Variants in MYO16 observed in about 807,000 individuals in gnomAD.
MYO16 encodes unconventional myosin-XVI.
In MYO16, 94 loss-of-function variants were observed where a neutral mutation model predicts 205.3. The observed-to-expected ratio is 0.46, with a 90% CI of 0.39 to 0.54. The LOEUF (loss-of-function observed/expected upper bound fraction) is 0.54. Among genes scored for constraint, MYO16 ranks in the 20% least tolerant of loss-of-function variants. MYO16 has a pLI of 0.00. For missense variants in MYO16, 2,315 were observed against 2,387.5 expected, an observed-to-expected ratio of 0.97 and a Z score of 0.63; for synonymous variants, 988 against 954.0, an observed-to-expected ratio of 1.04 and a Z score of -0.66.
intron 16 of MYO16, among the ~76,000 whole-genome samples, chr13:108,927,116 AAGAGAGAGAGAG>A (rs141822029): frequency 6.7e-6 from 1 of 149,456 alleles, no homozygotes; most frequent in African/African-American, 2.5e-5. Flanking sequence ...TCAACAACTG[AAGAGAGAGAGAG>A]AGAGAGAGAG....
At chr13:108,616,411 A>G (rs1879351164) in intron 1 of MYO16, among the ~76,000 whole-genome samples, 3 of 152,122 alleles carry the variant, frequency 2.0e-5, no homozygotes, top group African/African-American at 7.2e-5. Context: ...ATCGTAGTCT[A>G]TGCTTGAAAT....
intron 1 of MYO16, among the ~76,000 whole-genome samples, chr13:108,602,949 C>A (rs1301509100): frequency 6.6e-6 from 1 of 152,074 alleles, no homozygotes; most frequent in Non-Finnish European, 1.5e-5. Context: ...GAGAAAGAAC[C>A]TGGAAAAATG....
chr13:109,007,342 G>A (rs914280661), intron 21 of MYO16, among the ~76,000 whole-genome samples: 2 of 151,632 alleles, frequency 1.3e-5, no homozygotes, highest in Non-Finnish European at 2.9e-5. Flanking sequence ...GAGCCGAGAT[G>A]GCGCCACTGC....
chr13:108,972,351 C>CATATATATATAT (rs869041443), intron 20 of MYO16, among the ~76,000 whole-genome samples: 3 of 17,456 alleles, frequency 1.7e-4, no homozygotes, highest in Non-Finnish European at 3.3e-4. Context: ...TATATATAGC[C>CATATATATATAT]ATATATATAT....
intron 1 of MYO16, among the ~76,000 whole-genome samples, chr13:108,632,033 G>A (rs1177270264): frequency 3.5e-5 from 5 of 144,516 alleles, no homozygotes; most frequent in South Asian, 2.2e-4. Context: ...AGCTGAGATC[G>A]CGCCATTGCA....
intron 6 of MYO16, among the ~76,000 whole-genome samples, chr13:108,798,698 T>A (rs900330316): frequency 2.7e-4 from 32 of 118,006 alleles, no homozygotes; most frequent in East Asian, 4.6e-4. Context: ...ATTTTTTTTT[T>A]TTTTTTTTTT....
intron 33 of MYO16, among the ~76,000 whole-genome samples, chr13:109,177,005 A>G (rs2139908690): frequency 6.6e-6 from 1 of 152,310 alleles, no homozygotes; most frequent in East Asian, 1.9e-4. Flanking sequence ...CTGCAGTGCT[A>G]CCTATCGTCT....
chr13:108,715,724 AT>A (rs1255408409), intron 3 of MYO16, among the ~76,000 whole-genome samples: 8 of 152,222 alleles, frequency 5.3e-5, no homozygotes, highest in Non-Finnish European at 7.4e-5. Flanking sequence ...GGATAAGCAG[AT>A]GATAGCGAAG....
chr13:108,664,302 A>G (rs1022487960), intron 1 of MYO16, among the ~76,000 whole-genome samples: 1 of 152,168 alleles, frequency 6.6e-6, no homozygotes, highest in Non-Finnish European at 1.5e-5. Context: ...TATATTCAAT[A>G]CCTGGCATTA....
the MYO16 span, among the ~76,000 whole-genome samples, chr13:108,580,873 A>G: frequency 6.6e-6 from 1 of 152,264 alleles, no homozygotes; most frequent in African/African-American, 2.4e-5. Flanking sequence ...TTAGCAATTC[A>G]GAAAATAACA....
At chr13:109,158,087 C>T (rs986874707) in intron 32 of MYO16, among the ~76,000 whole-genome samples, 3 of 152,116 alleles carry the variant, frequency 2.0e-5, no homozygotes, top group Non-Finnish European at 2.9e-5. Flanking sequence ...TCATGGTCCA[C>T]CCCTCTTCCT....
intron 2 of MYO16, among the ~76,000 whole-genome samples, chr13:108,701,323 A>G (rs974227631): frequency 3.9e-5 from 6 of 152,124 alleles, no homozygotes; most frequent in African/African-American, 1.4e-4. Flanking sequence ...TGCCATTGTA[A>G]TAGTAATAAG....
chr13:108,683,316 A>G (rs1198771501), intron 2 of MYO16, among the ~76,000 whole-genome samples: 3 of 149,472 alleles, frequency 2.0e-5, no homozygotes, highest in Non-Finnish European at 4.4e-5. Context: ...GGCTTGTGAC[A>G]GGCTCACAGG....
chr13:108,508,051 T>G, the MYO16 span, among the ~76,000 whole-genome samples: 13 of 152,036 alleles, frequency 8.6e-5, no homozygotes, highest in Admixed American at 2.6e-4. Context: ...GTTTCTGGAT[T>G]TTTTTCTTAT....
At position 108,998,125 on chromosome 13, in the gene MYO16, G is replaced by A. The variant is rs277810; in HGVS notation, c.2442+5677G>A. 5.5e-3 allele frequency among the ~76,000 whole-genome samples: 843 copies of A among 152,292 alleles called. 8 individuals are homozygous for A. Among genetic ancestry groups the A allele is most frequent in the African/African-American group, 0.02 (817 of 41,560 alleles). The stretch of plus-strand genomic sequence containing the variant: ...TTAATGCCCTTCATTGTGAAATCAT[G>A]ATGCTAGAGATGATAGAAAGAAAAA... On this transcript the variant is annotated intron_variant, in intron 21 of 34. Transcript: ENST00000457511.
intron 7 of MYO16, among the ~76,000 whole-genome samples, chr13:108,818,715 TAAAAAG>T (rs1206939494): frequency 2.6e-5 from 4 of 152,072 alleles, no homozygotes; most frequent in African/African-American, 9.7e-5. Flanking sequence ...GCACAGCTAT[TAAAAAG>T]AGAATAAAAG....
intron 2 of MYO16, among the ~76,000 whole-genome samples, chr13:108,701,339 A>T (rs1390000266): frequency 6.6e-6 from 1 of 152,138 alleles, no homozygotes; most frequent in Non-Finnish European, 1.5e-5. Context: ...ATAAGAGGTG[A>T]TTAGGCCATG....
At chr13:108,901,275 C>T (rs577350875) in intron 15 of MYO16, among the ~76,000 whole-genome samples, 32 of 152,228 alleles carry the variant, frequency 2.1e-4, no homozygotes, top group Non-Finnish European at 2.2e-4. Context: ...CCTATTTGTA[C>T]ACTCCCTCCC....
chr13:108,842,933 G>T (rs1484357088), intron 9 of MYO16, among the ~76,000 whole-genome samples: 2 of 152,102 alleles, frequency 1.3e-5, no homozygotes, highest in African/African-American at 4.8e-5. Context: ...AAAATAAAAA[G>T]AAATTCTATC....
Sources: allele counts gnomAD v4.1 joint callset (sites outside exome capture counted in the v4.1 genomes callset), GRCh38; gene constraint gnomAD v4.1.1; transcripts MANE v1.5; gene names NCBI Gene and HGNC (gene_info 2026-07-23, HGNC 2026-07-21).